The following CMKLR2 variants were observed in gnomAD, a reference collection of about 807,000 sequenced individuals.
The protein encoded by CMKLR2 is chemerin chemokine-like receptor 2.
In CMKLR2, 18 loss-of-function variants were observed where a neutral mutation model predicts 23.0. The observed-to-expected ratio is 0.78, with a 90% CI of 0.54 to 1.16. CMKLR2 has a LOEUF of 1.16. Ranked by LOEUF, CMKLR2 falls within the 50% of genes most tolerant of loss-of-function variation. The pLI is 0.00. For synonymous variants in CMKLR2, 158 were observed against 158.9 expected, an observed-to-expected ratio of 0.99 and a Z score of 0.05; for missense variants, 401 against 412.7, an observed-to-expected ratio of 0.97 and a Z score of 0.25.
At chr2:206,196,007 A>G (rs1490382158) in intron 1 of CMKLR2, among the ~76,000 whole-genome samples, 1 of 152,134 alleles carries the variant, frequency 6.6e-6, no homozygotes, top group African/African-American at 2.4e-5. Flanking sequence ...CATGATTAGC[A>G]TTCTTATCTA....
At chr2:206,201,654 T>TAA (rs550268935) in intron 1 of CMKLR2, among the ~76,000 whole-genome samples, 2 of 139,316 alleles carry the variant, frequency 1.4e-5, no homozygotes, top group African/African-American at 2.6e-5. Context: ...ATGAGACAGC[T>TAA]AAAAAAAAAA....
At chr2:206,180,381 C>T (rs1457549651) in intron 1 of CMKLR2, among the ~76,000 whole-genome samples, 1 of 150,284 alleles carries the variant, frequency 6.7e-6, no homozygotes, top group East Asian at 2.0e-4. Flanking sequence ...CCTTGAAAAA[C>T]ATGGGGGGTG....
At chr2:206,204,880 C>T (rs1469314373) in intron 1 of CMKLR2, among the ~76,000 whole-genome samples, 1 of 152,174 alleles carries the variant, frequency 6.6e-6, no homozygotes, top group Admixed American at 6.5e-5. Flanking sequence ...ATATTCTGAT[C>T]TTGTGATAAT....
intron 1 of CMKLR2, among the ~76,000 whole-genome samples, chr2:206,208,396 C>T (rs1340495609): frequency 6.6e-6 from 1 of 151,884 alleles, no homozygotes; most frequent in East Asian, 1.9e-4. Context: ...AAAAAGTAGC[C>T]AGGCATGGTG....
chr2:206,209,483 T>C (rs1574330635), intron 1 of CMKLR2, among the ~76,000 whole-genome samples: 1 of 152,116 alleles, frequency 6.6e-6, no homozygotes, highest in African/African-American at 2.4e-5. Flanking sequence ...ACCCATCACC[T>C]AGGTATTAAG....
chr2:206,214,772 C>T (rs1348991920), upstream of CMKLR2, among the ~76,000 whole-genome samples: 2 of 151,820 alleles, frequency 1.3e-5, no homozygotes, highest in African/African-American at 4.8e-5. Flanking sequence ...TGCAGGCGCC[C>T]GCCACCACGC....
chr2:206,182,706 TG>T (rs557894271), intron 1 of CMKLR2, among the ~76,000 whole-genome samples: 25 of 152,112 alleles, frequency 1.6e-4, no homozygotes, highest in Admixed American at 1.5e-3. Context: ...ATGCAACCTT[TG>T]TCCCCCGAGT....
chr2:206,206,112 C>T (rs1022560774), intron 1 of CMKLR2, among the ~76,000 whole-genome samples: 1 of 152,138 alleles, frequency 6.6e-6, no homozygotes, highest in African/African-American at 2.4e-5. Context: ...AGAGAAACAC[C>T]ATATTTATCT....
chr2:206,178,848 C>T (rs2105799327), intron 1 of CMKLR2, among the ~76,000 whole-genome samples: 1 of 152,016 alleles, frequency 6.6e-6, no homozygotes, highest in Admixed American at 6.6e-5. Flanking sequence ...AGGGTTTCAC[C>T]ATGTTGACCA....
Position 206,207,728 on chromosome 2 carries a change from C to CTTTTTT in CMKLR2, c.-29+5573_-29+5578dup, listed in dbSNP as rs71034423. On this transcript the variant is annotated intron_variant, in intron 1 of 1. Transcript: ENST00000621141. ...ATCTGGGTCTGTCTGACCTCAGGGC[C>CTTTTTT]TTTTTTTTTTTTTTTTTTTTTTTTT... is the stretch of plus-strand genomic sequence containing the variant. Among the ~76,000 whole-genome samples the CTTTTTT allele has an allele frequency of 2.1e-3, 91 of 43,570 alleles. 23 individuals carry two copies. The highest frequency in any genetic ancestry group is 8.4e-3 in the East Asian group (7 of 836). 28.6% of individuals were successfully genotyped at this position (43,570 alleles called of 152,430 possible). A position where few individuals can be genotyped will look rare whatever the true frequency, so the allele number is the denominator to read the frequency against.
chr2:206,200,171 C>T (rs1040522909), intron 1 of CMKLR2, among the ~76,000 whole-genome samples: 1 of 151,936 alleles, frequency 6.6e-6, no homozygotes, highest in Non-Finnish European at 1.5e-5. Flanking sequence ...TGCCTGTAAT[C>T]CCAGCACTTT....
chr2:206,202,407 G>A (rs1689127309), intron 1 of CMKLR2, among the ~76,000 whole-genome samples: 1 of 152,166 alleles, frequency 6.6e-6, no homozygotes, highest in East Asian at 1.9e-4. Context: ...TTGAAACGGG[G>A]TGGAGTCAGA....
At chr2:206,200,455 C>G (rs1043243631) in intron 1 of CMKLR2, among the ~76,000 whole-genome samples, 2 of 152,152 alleles carry the variant, frequency 1.3e-5, no homozygotes, top group Non-Finnish European at 2.9e-5. Flanking sequence ...GTGGGTCATA[C>G]AAAGGATGGA....
At chr2:206,216,241 G>A (rs1689749513), upstream of CMKLR2, among the ~76,000 whole-genome samples, 1 of 152,144 alleles carries the variant, frequency 6.6e-6, no homozygotes, top group Admixed American at 6.5e-5. Context: ...ATCACCTGAG[G>A]TCTGGAGTTC....
chr2:206,189,589 G>A (rs191004663), intron 1 of CMKLR2, among the ~76,000 whole-genome samples: 1 of 151,558 alleles, frequency 6.6e-6, no homozygotes, highest in East Asian at 1.9e-4. Flanking sequence ...GAGCAAAGAT[G>A]GTGCCACTGC....
intron 1 of CMKLR2, among the ~76,000 whole-genome samples, chr2:206,180,944 G>T (rs555140496): frequency 1.3e-5 from 2 of 151,710 alleles, no homozygotes; most frequent in African/African-American, 4.8e-5. Context: ...TAGTAGAGAT[G>T]GTGTTTCACT....
At chr2:206,182,544 A>T (rs1212607036) in intron 1 of CMKLR2, among the ~76,000 whole-genome samples, 1 of 152,170 alleles carries the variant, frequency 6.6e-6, no homozygotes, top group Non-Finnish European at 1.5e-5. Flanking sequence ...AACCAAAGAT[A>T]ATTTTAAAAC....
chr2:206,190,044 G>A (rs1247344956), intron 1 of CMKLR2, among the ~76,000 whole-genome samples: 1 of 152,098 alleles, frequency 6.6e-6, no homozygotes, highest in East Asian at 1.9e-4. Context: ...ATTGAAGGTT[G>A]GGTGGTGATA....
chr2:206,194,474 T>C (rs1397689629), intron 1 of CMKLR2, among the ~76,000 whole-genome samples: 1 of 150,816 alleles, frequency 6.6e-6, no homozygotes, highest in Admixed American at 6.6e-5. Flanking sequence ...TTTTTTTTTT[T>C]TGGTGACAGA....
Sources: allele counts gnomAD v4.1 joint callset (sites outside exome capture counted in the v4.1 genomes callset), GRCh38; gene constraint gnomAD v4.1.1; transcripts MANE v1.5; gene names NCBI Gene and HGNC (gene_info 2026-07-23, HGNC 2026-07-21).